Variants in SLC35D4 observed in about 807,000 individuals in gnomAD.
SLC35D4 encodes the protein UDP-N-acetylglucosamine transporter SLC35D4.
At chr18:23,317,030 C>G in the SLC35D4 span, among the ~76,000 whole-genome samples, 1 of 152,108 alleles carries the variant, frequency 6.6e-6, no homozygotes, top group Non-Finnish European at 1.5e-5. Flanking sequence ...AACTAAAACC[C>G]AGGTCTCCTG....
At chr18:23,304,513 T>A in the SLC35D4 span, among the ~76,000 whole-genome samples, 1 of 148,800 alleles carries the variant, frequency 6.7e-6, no homozygotes, top group East Asian at 1.9e-4. Context: ...TATCTATCAA[T>A]TATATATAAC....
the SLC35D4 span, among the ~76,000 whole-genome samples, chr18:23,313,759 T>C: frequency 1.3e-5 from 2 of 152,162 alleles, no homozygotes; most frequent in African/African-American, 4.8e-5. Context: ...CCACTGAAGC[T>C]GCCTCTTCGC....
At chr18:23,412,523 C>T in the SLC35D4 span, among the ~76,000 whole-genome samples, 2 of 152,026 alleles carry the variant, frequency 1.3e-5, no homozygotes, top group South Asian at 2.1e-4. Flanking sequence ...GCTTGTCAGT[C>T]TTACTGCCCC....
At chr18:23,297,514 T>G in the SLC35D4 span, 2 of 150,494 alleles carry the variant, frequency 1.3e-5, no homozygotes, top group African/African-American at 4.9e-5. Context: ...TGAGGCCTTG[T>G]CTCTAAAAAA....
the SLC35D4 span, among the ~76,000 whole-genome samples, chr18:23,276,157 G>A: frequency 4.6e-5 from 7 of 151,550 alleles, no homozygotes; most frequent in Non-Finnish European, 7.4e-5. Flanking sequence ...GCGCAATCTC[G>A]GCTCACTGCA....
At chr18:23,274,752 G>C in the SLC35D4 span, among the ~76,000 whole-genome samples, 1 of 152,298 alleles carries the variant, frequency 6.6e-6, no homozygotes, top group East Asian at 1.9e-4. Flanking sequence ...CCATGTGAGG[G>C]GGAAAGCCCC....
the SLC35D4 span, among the ~76,000 whole-genome samples, chr18:23,323,977 G>C: frequency 6.6e-6 from 1 of 151,856 alleles, no homozygotes. Flanking sequence ...CAGCTACTTG[G>C]GAGGCTGAGG....
the SLC35D4 span, among the ~76,000 whole-genome samples, chr18:23,333,167 C>A: frequency 6.6e-6 from 1 of 151,930 alleles, no homozygotes; most frequent in Non-Finnish European, 1.5e-5. Flanking sequence ...TTAAAAAAGC[C>A]CAACTATAAC....
the SLC35D4 span, among the ~76,000 whole-genome samples, chr18:23,385,715 A>G: frequency 6.6e-6 from 1 of 152,184 alleles, no homozygotes; most frequent in Non-Finnish European, 1.5e-5. Flanking sequence ...GGACCCAGGA[A>G]CCAGTGAAGA....
the SLC35D4 span, among the ~76,000 whole-genome samples, chr18:23,425,746 G>A: frequency 2.6e-5 from 4 of 152,230 alleles, no homozygotes; most frequent in African/African-American, 4.8e-5. Flanking sequence ...AAGTCCAACC[G>A]TCGTTAAGTT....
chr18:23,423,322 C>A, the SLC35D4 span, among the ~76,000 whole-genome samples: 1 of 152,224 alleles, frequency 6.6e-6, no homozygotes, highest in Non-Finnish European at 1.5e-5. Flanking sequence ...CAGAACACAC[C>A]AAATGTGGGT....
At chr18:23,357,642 A>T in the SLC35D4 span, among the ~76,000 whole-genome samples, 1 of 152,168 alleles carries the variant, frequency 6.6e-6, no homozygotes, top group African/African-American at 2.4e-5. Flanking sequence ...CACAGGCAGC[A>T]TTTCCTTCAC....
chr18:23,420,305 A>AAAT, the SLC35D4 span, among the ~76,000 whole-genome samples: 1 of 152,088 alleles, frequency 6.6e-6, no homozygotes, highest in South Asian at 2.1e-4. Flanking sequence ...CTCCATCTCA[A>AAAT]AATAATAATA....
chr18:23,433,364 C>T, the SLC35D4 span, among the ~76,000 whole-genome samples: 54 of 152,232 alleles, frequency 3.5e-4, 1 homozygote, highest in Non-Finnish European at 8.8e-5. Flanking sequence ...CTGCTGTTTA[C>T]CCATTTATTT....
the SLC35D4 span, among the ~76,000 whole-genome samples, chr18:23,300,600 G>C: frequency 1.3e-5 from 2 of 152,194 alleles, no homozygotes; most frequent in Non-Finnish European, 2.9e-5. Context: ...CCTTGGTTCG[G>C]TTTACTGTTA....
At chr18:23,299,036 A>T in the SLC35D4 span, among the ~76,000 whole-genome samples, 1 of 152,234 alleles carries the variant, frequency 6.6e-6, no homozygotes, top group East Asian at 1.9e-4. Context: ...TGACCCTGAC[A>T]TACAGGTAAC....
the SLC35D4 span, among the ~76,000 whole-genome samples, chr18:23,319,137 C>A: frequency 1.3e-5 from 2 of 152,112 alleles, no homozygotes; most frequent in Admixed American, 1.3e-4. Flanking sequence ...AGGCACCGCA[C>A]CCAACCTTCA....
At chr18:23,429,352 A>G in the SLC35D4 span, among the ~76,000 whole-genome samples, 2 of 151,930 alleles carry the variant, frequency 1.3e-5, no homozygotes, top group Non-Finnish European at 2.9e-5. Flanking sequence ...CTTCGCCAAC[A>G]TGTTATTTTT....
At chr18:23,384,931 A>G in the SLC35D4 span, 17 of 1,500,374 alleles carry the variant, frequency 1.1e-5, no homozygotes, top group Non-Finnish European at 1.6e-5. Flanking sequence ...TAAAAAGAAG[A>G]GTACTTCTTT....
Sources: gnomAD v4.1 joint callset for allele counts (sites outside exome capture counted in the v4.1 genomes callset) on GRCh38, gnomAD v4.1.1 for gene constraint, MANE v1.5 for transcripts, NCBI Gene and HGNC (gene_info 2026-07-23, HGNC 2026-07-21) for gene names.